Variants in KDM8 observed in about 807,000 individuals in gnomAD.
The protein encoded by KDM8 is bifunctional peptidase and arginyl-hydroxylase JMJD5.
KDM8 carries 35 observed loss-of-function variants against 46.9 expected under a neutral mutation model. The ratio of observed to expected loss-of-function variants is 0.75; its 90% confidence interval spans 0.57 to 0.99. The LOEUF is 0.99. KDM8 is among the 50% of genes least tolerant of loss of function. The pLI, the probability that KDM8 is intolerant of heterozygous loss-of-function variation, is 0.00. For missense variants in KDM8, 475 were observed against 537.0 expected (o/e 0.88, Z 1.14); for synonymous variants, 232 against 227.7 (o/e 1.02, Z -0.17).
intron 1 of KDM8, chr16:27,204,161 C>G: frequency 5.9e-6 from 9 of 1,515,580 alleles, no homozygotes; most frequent in Non-Finnish European, 8.0e-6. Flanking sequence ...CCTCGGGGCT[C>G]AAGGCCAGTG....
chr16:27,212,547 C>A (rs373741887), intron 2 of KDM8, among the ~76,000 whole-genome samples: 1 of 152,134 alleles, frequency 6.6e-6, no homozygotes. Context: ...CAGCCTGGCC[C>A]ACATGGTGAA....
chr16:27,206,272 C>CT (rs112161125), intron 1 of KDM8: 95,960 of 720,870 alleles, frequency 0.13, no homozygotes, highest in Non-Finnish European at 0.15. Context: ...TGTGCGTGTG[C>CT]TTTTTTTTTT....
chr16:27,215,934 C>A lies in KDM8; in HGVS notation c.799-11C>A. On this transcript the variant is annotated splice_polypyrimidine_tract_variant and intron_variant, in intron 4 of 7. Transcript: ENST00000286096. ...TTTCTGTGTTGCCTCTGGTTTTCCC[C>A]GGTGGATTAGCCAAGGGACGTCGGG... 1 of 1,614,110 alleles carries A rather than the reference C, an allele frequency of 6.2e-7. No homozygotes were observed. Among genetic ancestry groups the A allele is most frequent in the Non-Finnish European group, 8.5e-7 (1 of 1,179,994 alleles).
chr16:27,210,698 C>T (rs1213350923), intron 2 of KDM8, 77 bp downstream of exon 2: 1 of 1,419,554 alleles, frequency 7.0e-7, no homozygotes, highest in Non-Finnish European at 9.4e-7. Flanking sequence ...AGTCATCTCT[C>T]CCCTGGGGTG....
At chr16:27,213,503 C>CT in intron 2 of KDM8, 82 bp from the exon 3 acceptor site, 1 of 1,475,430 alleles carries the variant, frequency 6.8e-7, no homozygotes, top group Non-Finnish European at 9.3e-7. Context: ...TCTCCTACCC[C>CT]TGACACAGGT....
At chr16:27,203,689 G>C (rs1384209133) in intron 1 of KDM8, 53 bp downstream of exon 1, 1 of 176,658 alleles carries the variant, frequency 5.7e-6, no homozygotes, top group Non-Finnish European at 1.2e-5. Context: ...CAGAAGTGGA[G>C]AGGCCGGGTT....
chr16:27,207,965 CTT>C (rs2083443071), intron 1 of KDM8, among the ~76,000 whole-genome samples: 1 of 152,224 alleles, frequency 6.6e-6, no homozygotes. Context: ...TGAAAACAAA[CTT>C]ATACAGCCAT....
Position 27,220,740 on chromosome 16 carries a change from G to C in KDM8, c.*10G>C. On this transcript the variant is annotated 3_prime_UTR_variant, in exon 8 of 8. Transcript: ENST00000286096. ...CTTCTGGTGGTCGTAGCCAGGATAGGAGCTGAAAGGGCCTGACATGCAGAC... is the reference window on the plus strand; with the variant it reads ...CTTCTGGTGGTCGTAGCCAGGATAGCAGCTGAAAGGGCCTGACATGCAGAC... 6.2e-7 allele frequency: 1 copy of C among 1,614,106 alleles called. No individual in the cohort carries two copies. The highest frequency in any genetic ancestry group is 8.5e-7 in the Non-Finnish European group (1 of 1,179,978).
chr16:27,219,196 G>C, intron 6 of KDM8, 86 bp downstream of exon 6: 1 of 1,370,582 alleles, frequency 7.3e-7, no homozygotes, highest in Non-Finnish European at 9.8e-7. Flanking sequence ...TTAAACACCG[G>C]GCTCTTAAAA....
In KDM8 at chr16:27,220,865, CTGGG is replaced by C; in HGVS notation, c.*136_*139del. The C allele has an allele frequency of 5.6e-6, 6 of 1,071,140 alleles. No homozygotes were observed. Among genetic ancestry groups the C allele is most frequent in the Non-Finnish European group, 8.5e-6 (6 of 707,042 alleles). 66.4% of individuals were successfully genotyped at this position (1,071,140 alleles called of 1,614,324 possible). A position where few individuals can be genotyped will look rare whatever the true frequency, so the allele number is the denominator to read the frequency against. ...GAGCCTTCACTGCCCAGTGGCAGCC[CTGGG>C]GGGCTGAGCTCCAGCACTGGACAGG... is the stretch of plus-strand genomic sequence containing the variant. On this transcript the variant is annotated 3_prime_UTR_variant, in exon 8 of 8. Transcript: ENST00000286096.
At chr16:27,219,544 C>A (rs1488171784) in intron 6 of KDM8, among the ~76,000 whole-genome samples, 1 of 152,190 alleles carries the variant, frequency 6.6e-6, no homozygotes, top group Non-Finnish European at 1.5e-5. Context: ...AGGGGAGGCA[C>A]CTCTGTCTAC....
At chr16:27,217,998 C>G (rs2083573775) in intron 5 of KDM8, among the ~76,000 whole-genome samples, 1 of 152,044 alleles carries the variant, frequency 6.6e-6, no homozygotes, top group Non-Finnish European at 1.5e-5. Context: ...TGTGTTTTCA[C>G]TCTGAGACCC....
chr16:27,212,202 G>T (rs751216157), intron 2 of KDM8, among the ~76,000 whole-genome samples: 1 of 152,192 alleles, frequency 6.6e-6, no homozygotes, highest in African/African-American at 2.4e-5. Flanking sequence ...TTAAACAAAT[G>T]TGCAGGAGAA....
chr16:27,204,263 G>C, intron 1 of KDM8: 1 of 1,404,614 alleles, frequency 7.1e-7, no homozygotes, highest in Non-Finnish European at 9.3e-7. Flanking sequence ...GGGCATCGGT[G>C]CGTTTCCCGG....
At chr16:27,208,335 A>G (rs1003778845) in intron 1 of KDM8, among the ~76,000 whole-genome samples, 1 of 152,070 alleles carries the variant, frequency 6.6e-6, no homozygotes, top group Non-Finnish European at 1.5e-5. Context: ...GGCCACCTTG[A>G]GAAGCTGGCT....
intron 1 of KDM8, among the ~76,000 whole-genome samples, chr16:27,205,720 C>A (rs113645564): frequency 0.024 from 3,648 of 152,222 alleles, 74 homozygotes; most frequent in Middle Eastern, 0.058. Flanking sequence ...CACCTGTAAT[C>A]CCAGCTACTC....
At chr16:27,204,753 G>A (rs763255586) in intron 1 of KDM8, among the ~76,000 whole-genome samples, 3 of 152,174 alleles carry the variant, frequency 2.0e-5, no homozygotes, top group Non-Finnish European at 4.4e-5. Flanking sequence ...GGCTGGGCGC[G>A]GTGCCTCACA....
chr16:27,205,025 C>CA (rs2083414159), intron 1 of KDM8, among the ~76,000 whole-genome samples: 1 of 151,734 alleles, frequency 6.6e-6, no homozygotes, highest in Admixed American at 6.6e-5. Flanking sequence ...GACTCCGTCT[C>CA]AAAAAAAATA....
chr16:27,204,281 A>G (rs1486457653), intron 1 of KDM8: 4 of 1,402,204 alleles, frequency 2.9e-6, no homozygotes, highest in East Asian at 2.9e-5. Context: ...CGGCAACGGT[A>G]GGAATCGCCG....
Sources: gnomAD v4.1 joint callset for allele counts (sites outside exome capture counted in the v4.1 genomes callset) on GRCh38, gnomAD v4.1.1 for gene constraint, MANE v1.5 for transcripts, NCBI Gene and HGNC (gene_info 2026-07-23, HGNC 2026-07-21) for gene names.